DOCK2: variants seen among roughly 807,000 people sequenced by gnomAD.
The protein encoded by DOCK2 is dedicator of cytokinesis protein 2.
In DOCK2, 87 loss-of-function variants were observed where a neutral mutation model predicts 248.9. The ratio of observed to expected loss-of-function variants is 0.35; its 90% CI spans 0.29 to 0.42. The LOEUF (loss-of-function observed/expected upper bound fraction) is 0.42. Among genes scored for constraint, DOCK2 ranks in the 10% least tolerant of loss-of-function variants. The pLI is 1.00. For synonymous variants in DOCK2, 805 were observed against 821.6 expected (o/e 0.98, Z 0.35); for missense variants, 1,747 against 2,300.2 (o/e 0.76, Z 4.92).
chr5:169,716,444 G>T, intron 20 of DOCK2, 142 bp downstream of exon 20: 2 of 734,042 alleles, frequency 2.7e-6, no homozygotes, highest in Non-Finnish European at 4.4e-6. Flanking sequence ...TTGGCAACAA[G>T]ACCAATAATG....
chr5:169,966,084 G>T, intron 27 of DOCK2, among the ~76,000 whole-genome samples: 1 of 152,288 alleles, frequency 6.6e-6, no homozygotes. Context: ...TCTCGAAATG[G>T]CAATGTGCAA....
rs1015785698 is a variant in DOCK2, at chr5:169,932,212, C to T, written c.2800-50856C>T. Among the ~76,000 whole-genome samples, 38 of 152,178 alleles carry T rather than the reference C, an allele frequency of 2.5e-4. 2 individuals carry two copies. Among genetic ancestry groups the T allele is most frequent in the Non-Finnish European group, 5.4e-4 (37 of 68,024 alleles). On this transcript the variant is annotated intron_variant, in intron 27 of 51. Coordinates refer to ENST00000520908, the MANE Select transcript of DOCK2 (RefSeq NM_004946.3). ...ATTTTTAGCATCACCTGCACACACA[C>T]ACAGAGTAAGGAGGGTGGGTCCCTG...
intron 26 of DOCK2, among the ~76,000 whole-genome samples, chr5:169,809,282 C>T (rs1372272199): frequency 1.3e-5 from 2 of 152,182 alleles, no homozygotes; most frequent in East Asian, 3.8e-4. Context: ...TGAGCCACTG[C>T]GCCCGGCCAG....
intron 50 of DOCK2, chr5:170,080,885 A>G (rs1287447937): frequency 2.0e-5 from 3 of 153,694 alleles, no homozygotes; most frequent in African/African-American, 7.3e-5. Context: ...GTCTGCTGCT[A>G]TGTGCCTGGC....
At chr5:169,835,197 G>A (rs1241168331) in intron 26 of DOCK2, among the ~76,000 whole-genome samples, 1 of 151,240 alleles carries the variant, frequency 6.6e-6, no homozygotes, top group Non-Finnish European at 1.5e-5. Context: ...GTATGGGAGG[G>A]AGGAGAAATG....
intron 8 of DOCK2, among the ~76,000 whole-genome samples, chr5:169,688,074 G>A (rs1175936717): frequency 6.6e-6 from 1 of 152,126 alleles, no homozygotes; most frequent in Non-Finnish European, 1.5e-5. Context: ...ACAGGCATGT[G>A]CCACCATGCC....
intron 27 of DOCK2, among the ~76,000 whole-genome samples, chr5:169,944,250 T>C (rs1185914732): frequency 6.6e-6 from 1 of 152,196 alleles, no homozygotes; most frequent in Non-Finnish European, 1.5e-5. Context: ...CCTGATATTC[T>C]ATTTCCTGTG....
At chr5:169,873,057 T>C (rs185130149) in intron 27 of DOCK2, among the ~76,000 whole-genome samples, 248 of 152,346 alleles carry the variant, frequency 1.6e-3, no homozygotes, top group African/African-American at 5.8e-3. Context: ...CAGCCACTCA[T>C]TTGTTATTCC....
At chr5:169,838,001 A>G (rs1581263919) in intron 26 of DOCK2, among the ~76,000 whole-genome samples, 1 of 152,182 alleles carries the variant, frequency 6.6e-6, no homozygotes, top group Non-Finnish European at 1.5e-5. Context: ...CTGGAAAAAA[A>G]ATAGCATCAA....
Position 169,901,185 on chromosome 5 carries a change from G to A in DOCK2, c.2799+60333G>A, listed in dbSNP as rs1234780867. The stretch of plus-strand genomic sequence containing the variant: ...TGGGTGTGATTGAGGTGATGGGATG[G>A]GCATGAAAAGAGGGTGTCCAGGCAA... On this transcript the variant is annotated intron_variant, in intron 27 of 51. Coordinates refer to ENST00000520908, the MANE Select transcript of DOCK2 (RefSeq NM_004946.3). 4.6e-5 allele frequency among the ~76,000 whole-genome samples: 7 copies of A among 152,092 alleles called. No homozygotes were observed. In the South Asian group the frequency reaches 1.0e-3, roughly 23 times the overall value.
intron 32 of DOCK2, among the ~76,000 whole-genome samples, chr5:170,016,233 C>T (rs1258888936): frequency 6.6e-6 from 1 of 152,230 alleles, no homozygotes; most frequent in Non-Finnish European, 1.5e-5. Context: ...CAGTGAAGTT[C>T]AGCTTCAATT....
chr5:169,703,041 T>C (rs1310093889), intron 14 of DOCK2, among the ~76,000 whole-genome samples: 1 of 152,234 alleles, frequency 6.6e-6, no homozygotes, highest in East Asian at 1.9e-4. Context: ...TGTGTTTATA[T>C]TTATTTGCTT....
At chr5:169,905,771 A>G (rs950458464) in intron 27 of DOCK2, among the ~76,000 whole-genome samples, 26 of 152,240 alleles carry the variant, frequency 1.7e-4, no homozygotes, top group Non-Finnish European at 3.4e-4. Context: ...AGGGCTCACC[A>G]CAGCTGCGAT....
intron 27 of DOCK2, among the ~76,000 whole-genome samples, chr5:169,965,540 C>T (rs1447489510): frequency 7.2e-5 from 11 of 152,178 alleles, no homozygotes. Flanking sequence ...CCCTTAAGAG[C>T]AGTGGTTCCC....
Position 169,780,333 on chromosome 5 carries a change from G to GGA in DOCK2, c.2554+18708_2554+18709insGA, listed in dbSNP as rs146049802. ...TGTGTGTGTGTGTGTGTGTGTGTGT[G>GGA]TGTGTGTTGAATCGTTCTAACACAC... On this transcript the variant is annotated intron_variant, in intron 25 of 51. Coordinates refer to ENST00000520908, the MANE Select transcript of DOCK2 (RefSeq NM_004946.3). Among the ~76,000 whole-genome samples, 670 of 145,088 alleles carry GGA rather than the reference G, an allele frequency of 4.6e-3. 20 individuals carry two copies. In the East Asian group the frequency reaches 0.061, roughly 13 times the overall value.
intron 6 of DOCK2, among the ~76,000 whole-genome samples, chr5:169,675,655 CAG>C (rs1332348822): frequency 5.9e-5 from 9 of 152,256 alleles, no homozygotes; most frequent in Non-Finnish European, 1.2e-4. Context: ...AAAGGAGAGT[CAG>C]GGGCTCATGA....
chr5:169,814,225 A>G (rs899619319), intron 26 of DOCK2, among the ~76,000 whole-genome samples: 3 of 152,212 alleles, frequency 2.0e-5, no homozygotes, highest in Non-Finnish European at 4.4e-5. Flanking sequence ...GCAGGGAAAC[A>G]TACTGACGTC....
intron 22 of DOCK2, among the ~76,000 whole-genome samples, chr5:169,726,764 C>G (rs1345413881): frequency 6.6e-6 from 1 of 152,200 alleles, no homozygotes; most frequent in Admixed American, 6.5e-5. Context: ...AATCAAATCA[C>G]AGTTGCCTGG....
At chr5:169,994,504 G>C (rs895958801) in intron 29 of DOCK2, among the ~76,000 whole-genome samples, 7 of 152,146 alleles carry the variant, frequency 4.6e-5, no homozygotes, top group Non-Finnish European at 1.0e-4. Flanking sequence ...GCTCATAGGA[G>C]GGGTGCCAGA....
Sources: allele counts gnomAD v4.1 joint callset (sites outside exome capture counted in the v4.1 genomes callset), GRCh38; gene constraint gnomAD v4.1.1; transcripts MANE v1.5; gene names NCBI Gene and HGNC (gene_info 2026-07-23, HGNC 2026-07-21).